Variants in TRIM44 observed in about 807,000 individuals in gnomAD.
TRIM44 encodes tripartite motif containing 44.
In TRIM44, 13 loss-of-function variants were observed where a neutral mutation model predicts 37.4. The ratio of observed to expected loss-of-function variants is 0.35; its 90% CI spans 0.23 to 0.55. The LOEUF (loss-of-function observed/expected upper bound fraction) is 0.55. Among genes scored for constraint, TRIM44 ranks in the 20% least tolerant of loss-of-function variants. The pLI, the probability that TRIM44 is intolerant of heterozygous loss-of-function variation, is 0.89. For missense variants in TRIM44, 426 were observed against 437.2 expected (o/e 0.97, Z 0.23); for synonymous variants, 175 against 157.2 (o/e 1.11, Z -0.85).
chr11:35,757,276 T>A (rs1317621728), intron 4 of TRIM44, among the ~76,000 whole-genome samples: 2 of 152,254 alleles, frequency 1.3e-5, no homozygotes, highest in African/African-American at 4.8e-5. Flanking sequence ...CTAGATTTTC[T>A]AATTTATTTG....
chr11:35,717,912 A>C (rs1852057601), intron 2 of TRIM44, among the ~76,000 whole-genome samples: 1 of 151,950 alleles, frequency 6.6e-6, no homozygotes, highest in Non-Finnish European at 1.5e-5. Context: ...TAGATTTTAG[A>C]CTCTTGAAGG....
At chr11:35,704,942 C>T (rs2135503452) in intron 2 of TRIM44, among the ~76,000 whole-genome samples, 1 of 149,874 alleles carries the variant, frequency 6.7e-6, no homozygotes, top group South Asian at 2.2e-4. Context: ...GGACTAAATG[C>T]TCCAATTAAA....
intron 4 of TRIM44, among the ~76,000 whole-genome samples, chr11:35,773,126 G>A (rs1852897220): frequency 1.3e-5 from 2 of 152,044 alleles, no homozygotes; most frequent in South Asian, 4.1e-4. Context: ...ATTTTCTCTT[G>A]CTACCACCAT....
chr11:35,670,768 C>T (rs114478823), intron 1 of TRIM44, among the ~76,000 whole-genome samples: 2 of 152,202 alleles, frequency 1.3e-5, no homozygotes, highest in African/African-American at 4.8e-5. Context: ...TGTCATGTCT[C>T]ACAGTTTTTC....
intron 2 of TRIM44, among the ~76,000 whole-genome samples, chr11:35,715,534 A>G (rs1282434648): frequency 2.6e-5 from 4 of 151,976 alleles, no homozygotes; most frequent in Non-Finnish European, 4.4e-5. Flanking sequence ...GGTCATATTC[A>G]TGAAGCTGTT....
At position 35,735,453 on chromosome 11, in the gene TRIM44, C is replaced by T; in HGVS notation, c.1007+8C>T. On this transcript the variant is annotated splice_region_variant and intron_variant, in intron 4 of 4. Coordinates refer to ENST00000299413, the MANE Select transcript of TRIM44 (RefSeq NM_017583.6). ...CGATGAGGAAGGACCCAGGTAAGAT[C>T]ACATTGTTGCTTGTCTTTTCTCATA... is the stretch of plus-strand genomic sequence containing the variant. The T allele has an allele frequency of 6.2e-7, 1 of 1,613,500 alleles. No individual in the cohort carries two copies. The highest frequency in any genetic ancestry group is 8.5e-7 in the Non-Finnish European group (1 of 1,179,560).
At chr11:35,766,465 G>A (rs553831148) in intron 4 of TRIM44, among the ~76,000 whole-genome samples, 2 of 152,146 alleles carry the variant, frequency 1.3e-5, no homozygotes, top group African/African-American at 2.4e-5. Context: ...ACAAACCAGC[G>A]TACAATCTAA....
chr11:35,718,237 G>T (rs886836732), intron 2 of TRIM44, among the ~76,000 whole-genome samples: 19 of 151,920 alleles, frequency 1.3e-4, no homozygotes, highest in African/African-American at 4.4e-4. Flanking sequence ...GACAAATCTG[G>T]GTATAAGGTT....
intron 3 of TRIM44, among the ~76,000 whole-genome samples, chr11:35,731,423 G>A (rs547421399): frequency 7.9e-5 from 12 of 152,224 alleles, no homozygotes; most frequent in African/African-American, 2.9e-4. Context: ...GCATTTCTGA[G>A]ATAAAGTCCC....
chr11:35,715,260 G>A (rs544089152), intron 2 of TRIM44, among the ~76,000 whole-genome samples: 21 of 152,272 alleles, frequency 1.4e-4, no homozygotes, highest in African/African-American at 4.3e-4. Context: ...CATCTCTCAC[G>A]TTAAGGGGTG....
At position 35,747,396 on chromosome 11, in the gene TRIM44, G is replaced by A. The variant is rs368829100; in HGVS notation, c.1007+11951G>A. On this transcript the variant is annotated intron_variant, in intron 4 of 4. Transcript: ENST00000299413. Reference sequence around the variant, plus strand: ...TTATAAGAAATTAAGTGACTAAGCCGTGATCACACAGTTAGAAAGTGACTC... The same window carrying A: ...TTATAAGAAATTAAGTGACTAAGCCATGATCACACAGTTAGAAAGTGACTC... 2.0e-4 allele frequency among the ~76,000 whole-genome samples: 31 copies of A among 152,278 alleles called. No homozygotes were observed. In the East Asian group the frequency reaches 2.9e-3, roughly 14 times the overall value.
chr11:35,740,969 A>G (rs1383800437), intron 4 of TRIM44, among the ~76,000 whole-genome samples: 4 of 151,992 alleles, frequency 2.6e-5, no homozygotes, highest in Non-Finnish European at 4.4e-5. Context: ...ATATGTTCTT[A>G]GATATGGCAT....
chr11:35,792,109 A>ACTCT (rs1363850529), intron 4 of TRIM44, among the ~76,000 whole-genome samples: 11 of 61,430 alleles, frequency 1.8e-4, no homozygotes, highest in Non-Finnish European at 2.6e-4. Context: ...ACACACACAC[A>ACTCT]CACTCTCTCT....
chr11:35,786,995 T>C (rs1259974697), intron 4 of TRIM44, among the ~76,000 whole-genome samples: 1 of 152,204 alleles, frequency 6.6e-6, no homozygotes, highest in Non-Finnish European at 1.5e-5. Flanking sequence ...TTCGCCTCCC[T>C]TTTGTGATTT....
chr11:35,718,208 G>T (rs1256949766), intron 2 of TRIM44, among the ~76,000 whole-genome samples: 1 of 152,068 alleles, frequency 6.6e-6, no homozygotes, highest in Non-Finnish European at 1.5e-5. Flanking sequence ...TAAATGGGAA[G>T]GCAGAGAATG....
At chr11:35,670,189 C>T (rs987353441) in intron 1 of TRIM44, among the ~76,000 whole-genome samples, 3 of 152,222 alleles carry the variant, frequency 2.0e-5, no homozygotes, top group Non-Finnish European at 4.4e-5. Flanking sequence ...GCTTCCCTCA[C>T]ACCTCACTTT....
intron 4 of TRIM44, among the ~76,000 whole-genome samples, chr11:35,796,027 A>T (rs1477891982): frequency 6.6e-6 from 1 of 152,206 alleles, no homozygotes. Context: ...CCTCAAAATC[A>T]CACAGCTAGT....
intron 1 of TRIM44, among the ~76,000 whole-genome samples, chr11:35,665,557 T>A (rs1310929383): frequency 6.6e-6 from 1 of 151,660 alleles, no homozygotes; most frequent in African/African-American, 2.4e-5. Context: ...TGAGTTGTCT[T>A]TTCTCATTAT....
chr11:35,757,090 C>G (rs189752853), intron 4 of TRIM44, among the ~76,000 whole-genome samples: 4 of 152,248 alleles, frequency 2.6e-5, no homozygotes, highest in African/African-American at 9.6e-5. Flanking sequence ...GGTACCAGCT[C>G]CTTGTACCTC....
Sources: allele counts gnomAD v4.1 joint callset (sites outside exome capture counted in the v4.1 genomes callset), GRCh38; gene constraint gnomAD v4.1.1; transcripts MANE v1.5; gene names NCBI Gene and HGNC (gene_info 2026-07-23, HGNC 2026-07-21).